HSF2BP: variants seen among roughly 807,000 people sequenced by gnomAD.
HSF2BP encodes heat shock factor 2-binding protein.
Under a neutral mutation model 35.0 loss-of-function variants are expected in HSF2BP, and 35 were observed. The ratio of observed to expected loss-of-function variants is 1.00; its 90% CI spans 0.76 to 1.32. HSF2BP has a LOEUF of 1.32. Among genes scored for constraint, HSF2BP ranks in the 40% most tolerant of loss-of-function variants. The pLI, the probability that HSF2BP is intolerant of heterozygous loss-of-function variation, is 0.00. For synonymous variants in HSF2BP, 114 were observed against 117.4 expected (o/e 0.97, Z 0.18); for missense variants, 326 against 321.7 (o/e 1.01, Z -0.10).
At chr21:43,630,243 A>T in intron 6 of HSF2BP, 79 bp downstream of exon 6, 1 of 1,275,836 alleles carries the variant, frequency 7.8e-7, no homozygotes, top group African/African-American at 1.5e-5. Context: ...CATGTGACTC[A>T]TGTATTATTG....
intron 7 of HSF2BP, among the ~76,000 whole-genome samples, chr21:43,604,410 A>C (rs2146859851): frequency 7.8e-6 from 1 of 128,516 alleles, no homozygotes; most frequent in Non-Finnish European, 1.6e-5. Context: ...CACACACACC[A>C]TACACACCCC....
chr21:43,623,951 G>A (rs2082360346), intron 6 of HSF2BP, among the ~76,000 whole-genome samples: 1 of 152,086 alleles, frequency 6.6e-6, no homozygotes, highest in African/African-American at 2.4e-5. Flanking sequence ...AAACAAATGG[G>A]TGCTCAAAGA....
At chr21:43,609,652 G>A (rs1213486815) in intron 7 of HSF2BP, among the ~76,000 whole-genome samples, 2 of 152,152 alleles carry the variant, frequency 1.3e-5, no homozygotes, top group East Asian at 1.9e-4. Flanking sequence ...GGCTCCAGAG[G>A]ACTCAAGGGT....
chr21:43,587,399 C>T (rs1002318771), intron 8 of HSF2BP, among the ~76,000 whole-genome samples: 1 of 151,756 alleles, frequency 6.6e-6, no homozygotes. Context: ...GGCACGGTAG[C>T]TTACGCCTAT....
intron 7 of HSF2BP, among the ~76,000 whole-genome samples, chr21:43,600,456 T>C (rs1200223646): frequency 6.6e-6 from 1 of 152,192 alleles, no homozygotes; most frequent in East Asian, 1.9e-4. Flanking sequence ...ATAAAATTCT[T>C]ACAAAAGACT....
At chr21:43,616,649 A>G (rs1056733557) in intron 6 of HSF2BP, among the ~76,000 whole-genome samples, 2 of 150,498 alleles carry the variant, frequency 1.3e-5, no homozygotes, top group African/African-American at 4.9e-5. Flanking sequence ...TCTTTAAAAA[A>G]AAGAAAAAAC....
intron 8 of HSF2BP, among the ~76,000 whole-genome samples, chr21:43,575,887 G>C (rs541910524): frequency 1.3e-5 from 2 of 152,328 alleles, no homozygotes; most frequent in East Asian, 3.9e-4. Flanking sequence ...GGGAGGCTGG[G>C]GCGGGTGGCT....
intron 3 of HSF2BP, among the ~76,000 whole-genome samples, chr21:43,654,451 A>C (rs115685513): frequency 2.3e-3 from 357 of 152,208 alleles, no homozygotes; most frequent in African/African-American, 7.8e-3. Context: ...CCCTTTAGAC[A>C]CAGTTCTATT....
chr21:43,655,910 C>T (rs571356208), intron 3 of HSF2BP, among the ~76,000 whole-genome samples: 17 of 152,288 alleles, frequency 1.1e-4, no homozygotes, highest in African/African-American at 3.1e-4. Flanking sequence ...GCTACAGCTA[C>T]CTGGGCCCCC....
At chr21:43,634,962 C>G (rs1173187283) in intron 4 of HSF2BP, among the ~76,000 whole-genome samples, 1 of 152,044 alleles carries the variant, frequency 6.6e-6, no homozygotes, top group Non-Finnish European at 1.5e-5. Context: ...TTCTTCTGCA[C>G]GACCACAAAA....
chr21:43,591,656 C>T (rs985672279), intron 8 of HSF2BP, among the ~76,000 whole-genome samples: 4 of 152,190 alleles, frequency 2.6e-5, no homozygotes, highest in African/African-American at 7.2e-5. Context: ...ATACAGTAGG[C>T]CCCTCTTATC....
intron 8 of HSF2BP, among the ~76,000 whole-genome samples, chr21:43,584,995 A>ATTTATTTATTTATTTATTTAT (rs1568887870): frequency 1.3e-5 from 2 of 151,482 alleles, no homozygotes; most frequent in African/African-American, 4.9e-5. Context: ...ATTTTATTTA[A>ATTTATTTATTTATTTATTTAT]TTATTTATTT....
At chr21:43,467,357 A>G in the HSF2BP span, 2 of 43,470 alleles carry the variant, frequency 4.6e-5, no homozygotes, top group African/African-American at 1.0e-4. Context: ...CTAGGACGCT[A>G]GAGGGGTCCC....
At chr21:43,637,925 A>G (rs1037280749) in intron 4 of HSF2BP, among the ~76,000 whole-genome samples, 2 of 152,238 alleles carry the variant, frequency 1.3e-5, no homozygotes, top group African/African-American at 4.8e-5. Flanking sequence ...ACGCTGAAAG[A>G]TTGAATACTT....
At chr21:43,576,305 T>C (rs1038344586) in intron 8 of HSF2BP, among the ~76,000 whole-genome samples, 1 of 152,164 alleles carries the variant, frequency 6.6e-6, no homozygotes, top group Non-Finnish European at 1.5e-5. Flanking sequence ...CTTAAACTTG[T>C]CTATAAACCA....
intron 2 of HSF2BP, among the ~76,000 whole-genome samples, chr21:43,657,202 C>G (rs1475442023): frequency 1.3e-5 from 2 of 152,188 alleles, no homozygotes; most frequent in African/African-American, 2.4e-5. Flanking sequence ...GAAACTCCAT[C>G]TCACTAAAAA....
intron 8 of HSF2BP, among the ~76,000 whole-genome samples, chr21:43,574,626 G>C (rs1375852224): frequency 6.6e-6 from 1 of 152,130 alleles, no homozygotes; most frequent in Non-Finnish European, 1.5e-5. Flanking sequence ...CAAAGTGCTG[G>C]GATTACAGGC....
intron 3 of HSF2BP, among the ~76,000 whole-genome samples, chr21:43,653,673 G>A (rs572011950): frequency 6.6e-6 from 1 of 152,282 alleles, no homozygotes; most frequent in Non-Finnish European, 1.5e-5. Flanking sequence ...AGAAGCGTCT[G>A]AAGACTTACG....
At chr21:43,639,335 T>G (rs1029513864) in intron 4 of HSF2BP, among the ~76,000 whole-genome samples, 1 of 152,162 alleles carries the variant, frequency 6.6e-6, no homozygotes, top group African/African-American at 2.4e-5. Flanking sequence ...ATTCGCTTTT[T>G]GAAAGAACCT....
Sources: allele counts gnomAD v4.1 joint callset (sites outside exome capture counted in the v4.1 genomes callset), GRCh38; gene constraint gnomAD v4.1.1; transcripts MANE v1.5; gene names NCBI Gene and HGNC (gene_info 2026-07-23, HGNC 2026-07-21).